ARID5B: variants seen among roughly 807,000 people sequenced by gnomAD.
ARID5B encodes the protein AT-rich interaction domain 5B.
Under a neutral mutation model 97.2 loss-of-function variants are expected in ARID5B, and 13 were observed. The observed-to-expected ratio is 0.13, with a 90% CI of 0.09 to 0.21. The LOEUF is 0.21. ARID5B is among the 10% of genes least tolerant of loss of function. The probability of loss-of-function intolerance (pLI) is 1.00; values close to 1 mark genes in which losing one functional copy is unlikely to be tolerated. For synonymous variants in ARID5B, 556 were observed against 570.3 expected (o/e 0.97, Z 0.36); for missense variants, 1,210 against 1,465.3 (o/e 0.83, Z 2.84).
rs76103331 is a variant in ARID5B at position 62,079,459 on chromosome 10, G to A, written c.1200-6243G>A. 5.4e-3 allele frequency among the ~76,000 whole-genome samples: 816 copies of A among 152,264 alleles called. 3 individuals carry two copies. Among genetic ancestry groups the A allele is most frequent in the African/African-American group, 0.018 (743 of 41,542 alleles). ...GGTATTAATAAGAATGTAATGCGTG[G>A]TGGTGGCTGTTAATATTGTAATGCC... is the stretch of plus-strand genomic sequence containing the variant. On this transcript the variant is annotated intron_variant, in intron 8 of 9. Transcript: ENST00000279873.
chr10:62,080,441 C>A (rs1180625448), intron 8 of ARID5B, among the ~76,000 whole-genome samples: 1 of 152,158 alleles, frequency 6.6e-6, no homozygotes, highest in African/African-American at 2.4e-5. Context: ...TTCCCTACCC[C>A]CAAAAGCTCT....
At chr10:62,080,915 G>A (rs1268190652) in intron 8 of ARID5B, among the ~76,000 whole-genome samples, 1 of 151,914 alleles carries the variant, frequency 6.6e-6, no homozygotes, top group Non-Finnish European at 1.5e-5. Context: ...TTCTGCCACT[G>A]GGGTTCAAGC....
chr10:61,976,971 T>C (rs989864070), intron 3 of ARID5B, among the ~76,000 whole-genome samples: 3 of 152,126 alleles, frequency 2.0e-5, no homozygotes, highest in African/African-American at 7.2e-5. Context: ...TAACTCATCA[T>C]TTACATTAGG....
At chr10:62,037,136 C>T (rs1839575834) in intron 4 of ARID5B, among the ~76,000 whole-genome samples, 3 of 152,126 alleles carry the variant, frequency 2.0e-5, no homozygotes, top group African/African-American at 7.2e-5. Flanking sequence ...CATTAAGCCC[C>T]AGAATATTAG....
In ARID5B at chr10:61,927,187, T is replaced by C. The variant is rs141990585; in HGVS notation, c.277-12996T>C. The stretch of plus-strand genomic sequence containing the variant: ...TTTCTGCTCAAGAGATAATATATAA[T>C]AGTAATCACCATTATTTCATGGATG... On this transcript the variant is annotated intron_variant, in intron 2 of 9. Coordinates refer to ENST00000279873, the MANE Select transcript of ARID5B (RefSeq NM_032199.3). 3.1e-3 allele frequency among the ~76,000 whole-genome samples: 479 copies of C among 152,274 alleles called. 7 individuals carry two copies. The highest frequency in any genetic ancestry group is 2.5e-3 in the East Asian group (13 of 5,182).
At chr10:62,045,363 G>A (rs1215413301) in intron 4 of ARID5B, among the ~76,000 whole-genome samples, 2 of 151,802 alleles carry the variant, frequency 1.3e-5, no homozygotes, top group Admixed American at 1.3e-4. Context: ...ATTGAAAATA[G>A]AACACAGTAA....
At chr10:61,954,076 C>CAGCCGGGCA (rs1838358823) in intron 3 of ARID5B, among the ~76,000 whole-genome samples, 1 of 152,044 alleles carries the variant, frequency 6.6e-6, no homozygotes, top group South Asian at 2.1e-4. Flanking sequence ...ATATAAATTT[C>CAGCCGGGCA]AGCCGGGCAC....
chr10:62,092,357 C>T lies in ARID5B; in HGVS notation c.2894C>T (p.Pro965Leu). The T allele has an allele frequency of 1.9e-6, 3 of 1,614,116 alleles. No homozygotes were observed. The highest frequency in any genetic ancestry group is 2.5e-6 in the Non-Finnish European group (3 of 1,180,000). The change falls in exon 10 of 10, where the codon CCT (proline) becomes CTT (leucine). Residue 965 changes from proline to leucine, a missense_variant. Transcript: ENST00000279873. ...GTATCACCCATGACCATGTCAGGCC[C>T]TAAAAAATACCCTGAATCGCTTTCA... ...CRVSPMTMSG[P>L]KKYPESLSRS...
chr10:61,978,199 G>A (rs934335173), intron 3 of ARID5B, among the ~76,000 whole-genome samples: 1 of 152,184 alleles, frequency 6.6e-6, no homozygotes, highest in Non-Finnish European at 1.5e-5. Context: ...TGAGGGCTCT[G>A]TTCGGTTCCA....
intron 3 of ARID5B, among the ~76,000 whole-genome samples, chr10:61,972,542 C>G (rs1838643920): frequency 6.6e-6 from 1 of 152,080 alleles, no homozygotes. Flanking sequence ...ATCATGCTTT[C>G]AAAAACACTT....
At position 62,050,801 on chromosome 10, in the gene ARID5B, G is replaced by A. The variant is rs796656687; in HGVS notation, c.734-87G>A. 19 of 1,089,912 alleles carry A rather than the reference G, an allele frequency of 1.7e-5. No homozygotes were observed. The African/African-American group carries it at 2.0e-4, about 12-fold the overall frequency. 67.5% of individuals were successfully genotyped at this position (1,089,912 alleles called of 1,614,324 possible). On this transcript the variant is annotated intron_variant, in intron 4 of 9. Coordinates refer to ENST00000279873, the MANE Select transcript of ARID5B (RefSeq NM_032199.3). ...TGTACATTTCTCTGAACAATTAGAA[G>A]GGATCACTGTAGTGAGATTCTGGGT... is the stretch of plus-strand genomic sequence containing the variant.
rs778821864 is a variant in ARID5B, at chr10:62,086,709, A to AAAAAAAAAAAAAC, written c.1398+812_1398+813insAAAAAAAAACAAA. ...CCATCTCAAAAAAAAAAAAAAAAAA[A>AAAAAAAAAAAAAC]AAATATCAGGCATGGTGGTGCCCCG... On this transcript the variant is annotated intron_variant, in intron 9 of 9. Transcript: ENST00000279873. Among the ~76,000 whole-genome samples the AAAAAAAAAAAAAC allele has an allele frequency of 3.9e-4, 45 of 114,036 alleles. 4 individuals are homozygous for AAAAAAAAAAAAAC. Among genetic ancestry groups the AAAAAAAAAAAAAC allele is most frequent in the African/African-American group, 6.4e-4 (20 of 31,240 alleles). The allele number at this position is 114,036 out of a possible 152,430, so 74.8% of individuals were successfully genotyped here.
chr10:61,920,306 TG>T (rs1490047865), intron 2 of ARID5B, among the ~76,000 whole-genome samples: 1 of 151,272 alleles, frequency 6.6e-6, no homozygotes, highest in African/African-American at 2.4e-5. Flanking sequence ...CTTTTCTAAT[TG>T]GTCTTTAAAA....
At chr10:61,942,665 G>A (rs1231993665) in intron 3 of ARID5B, among the ~76,000 whole-genome samples, 2 of 152,124 alleles carry the variant, frequency 1.3e-5, no homozygotes, top group African/African-American at 2.4e-5. Context: ...GGTGGCAGGG[G>A]CCTGTAATCT....
At chr10:62,053,985 A>T (rs16916931) in intron 5 of ARID5B, among the ~76,000 whole-genome samples, 50,702 of 152,068 alleles carry the variant, frequency 0.33, 8,762 homozygotes, top group East Asian at 0.5. Context: ...GGTTCAGCAC[A>T]TCTTACTGCC....
At chr10:61,944,203 CTA>C (rs1378435566) in intron 3 of ARID5B, among the ~76,000 whole-genome samples, 2 of 151,722 alleles carry the variant, frequency 1.3e-5, no homozygotes, top group Non-Finnish European at 2.9e-5. Flanking sequence ...AGAAAAATAA[CTA>C]TGTTAAAATA....
chr10:62,050,032 T>C (rs1450123981), intron 4 of ARID5B, among the ~76,000 whole-genome samples: 2 of 152,182 alleles, frequency 1.3e-5, no homozygotes, highest in Non-Finnish European at 2.9e-5. Flanking sequence ...TGATGCCGGA[T>C]AGTCATAGCT....
Position 62,000,180 on chromosome 10 carries a change from C to G in ARID5B, c.592C>G (p.Pro198Ala), listed in dbSNP as rs779223910. The G allele has an allele frequency of 6.2e-7, 1 of 1,614,072 alleles. No homozygotes were observed. Among genetic ancestry groups the G allele is most frequent in the Non-Finnish European group, 8.5e-7 (1 of 1,179,958 alleles). Residue 198 changes from proline (P) to alanine (A), a missense_variant, in exon 4 of 10, where the codon CCA becomes GCA. Pro to Ala is a conservative substitution (Grantham distance 27). This residue lies in a region of ARID5B where 132 missense variants were observed against 156.7 expected (regional missense o/e 0.84). Transcript: ENST00000279873. This position sits in a 1 kb window ranked among gnomAD's most constrained non-coding sequence, Gnocchi z 4.4. ...RSMLKRIQDKPSSILTDQFAL... is the reference protein window; with the variant it reads ...RSMLKRIQDKASSILTDQFAL... Reference sequence around the variant, plus strand: ...GATGCTGAAACGCATCCAGGATAAGCCATCTTCCATTCTAACGGACCAGTT... The same window carrying G: ...GATGCTGAAACGCATCCAGGATAAGGCATCTTCCATTCTAACGGACCAGTT...
intron 3 of ARID5B, among the ~76,000 whole-genome samples, chr10:61,973,285 A>G (rs1838654859): frequency 6.6e-6 from 1 of 152,220 alleles, no homozygotes; most frequent in Non-Finnish European, 1.5e-5. Flanking sequence ...GAGGAACCTC[A>G]TTAGAAAACT....
Sources: gnomAD v4.1 joint callset for allele counts (sites outside exome capture counted in the v4.1 genomes callset) on GRCh38, gnomAD v4.1.1 for gene constraint, gnomAD v4.1.1 regional missense constraint, Gnocchi (gnomAD v3.1) non-coding constraint, MANE v1.5 for transcripts, NCBI Gene and HGNC (gene_info 2026-07-23, HGNC 2026-07-21) for gene names.